EDA: variants seen among roughly 807,000 people sequenced by gnomAD.
EDA encodes ectodysplasin-A.
In EDA, 2 loss-of-function variants were observed where a neutral mutation model predicts 23.6. The ratio of observed to expected loss-of-function variants is 0.08; its 90% CI spans 0.03 to 0.27. The LOEUF (loss-of-function observed/expected upper bound fraction) is 0.27. Among genes scored for constraint, EDA ranks in the 10% least tolerant of loss-of-function variants. The pLI is 1.00. For missense variants in EDA, 229 were observed against 324.2 expected, an observed-to-expected ratio of 0.71 and a Z score of 2.26; for synonymous variants, 131 against 132.0, an observed-to-expected ratio of 0.99 and a Z score of 0.05.
At chrX:69,821,496 G>C (rs1444631647) in intron 1 of EDA, among the ~76,000 whole-genome samples, 2 of 112,125 alleles carry the variant, frequency 1.8e-5, no homozygotes, top group East Asian at 5.6e-4. Flanking sequence ...ATATATCTCA[G>C]ATTTCACAAC....
chrX:69,678,777 A>G (rs1272958868), intron 1 of EDA, among the ~76,000 whole-genome samples: 1 of 93,424 alleles, frequency 1.1e-5, no homozygotes, highest in Non-Finnish European at 2.1e-5. Context: ...AACAGGGACA[A>G]TTTGACTTCC....
intron 1 of EDA, among the ~76,000 whole-genome samples, chrX:69,630,036 G>A (rs899107957): frequency 2.7e-5 from 3 of 111,234 alleles, no homozygotes; most frequent in African/African-American, 6.6e-5. Flanking sequence ...ACGTGTAAAT[G>A]TGGGAAAGCC....
intron 1 of EDA, among the ~76,000 whole-genome samples, chrX:69,846,861 G>A (rs2017019267): frequency 9.0e-6 from 1 of 111,679 alleles, no homozygotes; most frequent in African/African-American, 3.3e-5. Context: ...GATTCCAGGT[G>A]GAGAGTGCTT....
chrX:69,839,392 T>C, intron 1 of EDA, among the ~76,000 whole-genome samples: 1 of 112,117 alleles, frequency 8.9e-6, no homozygotes, highest in Non-Finnish European at 1.9e-5. Flanking sequence ...CTTCAGTTTA[T>C]CCAGGAATCT....
At chrX:69,732,495 A>C (rs563259551) in intron 1 of EDA, among the ~76,000 whole-genome samples, 4 of 112,333 alleles carry the variant, frequency 3.6e-5, no homozygotes, top group African/African-American at 9.7e-5. Flanking sequence ...TATGCAGTCT[A>C]TCATTGTTCA....
rs137960497 is a variant in EDA, at chrX:69,648,591, G to T, written c.396+31887G>T. Among the ~76,000 whole-genome samples the T allele has an allele frequency of 3.6e-5, 4 of 112,190 alleles. No individual in the cohort carries two copies. The South Asian group carries it at 1.5e-3, about 42-fold the overall frequency. ...CTACGGATCAGCAGAGATGGTGGCC[G>T]CCCCTCCCCACAGGAGTTCAGTCCT... On this transcript the variant is annotated intron_variant, in intron 1 of 7. Transcript: ENST00000374552.
intron 1 of EDA, among the ~76,000 whole-genome samples, chrX:69,744,486 CTT>C (rs760642064): frequency 8.9e-6 from 1 of 112,114 alleles, no homozygotes; most frequent in Admixed American, 9.4e-5. Flanking sequence ...ACTACTAAAA[CTT>C]TTAAAGGCAA....
intron 1 of EDA, among the ~76,000 whole-genome samples, chrX:69,758,392 G>T (rs770500614): frequency 4.4e-4 from 49 of 112,134 alleles, no homozygotes; most frequent in Non-Finnish European, 7.3e-4. Flanking sequence ...TCAGTGTCAA[G>T]GTGTTAGCTG....
intron 2 of EDA, among the ~76,000 whole-genome samples, chrX:70,010,102 G>C (rs1327965859): frequency 8.9e-6 from 1 of 111,843 alleles, no homozygotes; most frequent in East Asian, 2.8e-4. Flanking sequence ...GTTAGATGAA[G>C]TATTCTATAA....
chrX:69,935,914 C>T (rs1337782941), intron 1 of EDA, among the ~76,000 whole-genome samples: 1 of 108,092 alleles, frequency 9.3e-6, no homozygotes, highest in Admixed American at 1.0e-4. Flanking sequence ...TATATATATT[C>T]TCATATATTC....
At chrX:69,646,679 T>G (rs985481001) in intron 1 of EDA, among the ~76,000 whole-genome samples, 5 of 112,089 alleles carry the variant, frequency 4.5e-5, no homozygotes, top group Admixed American at 3.8e-4. Context: ...TTAGCCCATT[T>G]ACATTTAAGA....
intron 2 of EDA, among the ~76,000 whole-genome samples, chrX:69,963,431 G>A (rs1049258523): frequency 9.0e-6 from 1 of 111,652 alleles, no homozygotes; most frequent in African/African-American, 3.3e-5. Flanking sequence ...CAAAAGTAAA[G>A]CTTTTGAAGG....
chrX:69,746,540 AGT>A (rs1238976467), intron 1 of EDA, among the ~76,000 whole-genome samples: 2 of 111,110 alleles, frequency 1.8e-5, no homozygotes. Context: ...TCCACAGAAC[AGT>A]GACTTCCAGT....
intron 2 of EDA, among the ~76,000 whole-genome samples, chrX:70,005,523 A>G (rs1474784007): frequency 1.8e-5 from 2 of 111,336 alleles, no homozygotes; most frequent in African/African-American, 6.5e-5. Context: ...ACGATCACAT[A>G]TCAGAAAATT....
chrX:69,771,792 A>G (rs1401983458), intron 1 of EDA, among the ~76,000 whole-genome samples: 2 of 112,175 alleles, frequency 1.8e-5, no homozygotes, highest in African/African-American at 3.2e-5. Context: ...CAGTGATGGT[A>G]AAGATGGAAT....
At chrX:69,630,232 G>A (rs767891734) in intron 1 of EDA, among the ~76,000 whole-genome samples, 8 of 111,510 alleles carry the variant, frequency 7.2e-5, no homozygotes, top group Admixed American at 1.9e-4. Flanking sequence ...TTGTGTTTGC[G>A]TATAAGTATT....
intron 1 of EDA, chrX:69,670,416 C>A: frequency 3.4e-6 from 1 of 293,651 alleles, no homozygotes; most frequent in Non-Finnish European, 5.9e-6. Flanking sequence ...AACTTTTGAG[C>A]TTTGTGAATC....
intron 1 of EDA, among the ~76,000 whole-genome samples, chrX:69,634,850 A>G (rs1376782082): frequency 3.6e-5 from 4 of 112,094 alleles, no homozygotes; most frequent in Non-Finnish European, 1.9e-5. Context: ...AACAATTTTT[A>G]TTGTCTAGTG....
At chrX:69,677,839 G>T (rs1176940055) in intron 1 of EDA, among the ~76,000 whole-genome samples, 1 of 111,928 alleles carries the variant, frequency 8.9e-6, no homozygotes, top group African/African-American at 3.2e-5. Flanking sequence ...GATCCCATTT[G>T]TCAATTTTGG....
Sources: allele counts gnomAD v4.1 joint callset (sites outside exome capture counted in the v4.1 genomes callset), GRCh38; gene constraint gnomAD v4.1.1; transcripts MANE v1.5; gene names NCBI Gene and HGNC (gene_info 2026-07-23, HGNC 2026-07-21).